The following ANGEL2 variants were observed in gnomAD, a reference collection of about 807,000 sequenced individuals.
The protein encoded by ANGEL2 is RNA 2',3'-cyclic phosphatase ANGEL2.
ANGEL2 carries 41 observed loss-of-function variants against 66.0 expected under a neutral mutation model. The observed-to-expected ratio is 0.62, with a 90% confidence interval of 0.48 to 0.81. ANGEL2 has a LOEUF of 0.81. ANGEL2 is among the 30% of genes least tolerant of loss of function. The probability of loss-of-function intolerance (pLI) is 0.00; values close to 1 mark genes in which losing one functional copy is unlikely to be tolerated. For synonymous variants in ANGEL2, 208 were observed against 226.5 expected (o/e 0.92, Z 0.73); for missense variants, 561 against 641.6 (o/e 0.87, Z 1.36).
intron 1 of ANGEL2, 62 bp downstream of exon 1, chr1:213,015,551 C>T: frequency 1.2e-6 from 2 of 1,601,084 alleles, no homozygotes; most frequent in East Asian, 2.3e-5. Flanking sequence ...TCCCGGACGC[C>T]CGCCCGCTCT....
At position 212,995,173 on chromosome 1, in the gene ANGEL2, A is replaced by C. The variant is rs2075961475; in HGVS notation, c.1503T>G (p.Val501=). ...AGHPGAEVAL[V]GGLKLLARLS... Reference sequence around the variant, plus strand: ...GTCTAGCTAGAAGTTTCAAGCCACCAACCAAAGCAACTTCAGCTCCTACAT... The same window carrying C: ...GTCTAGCTAGAAGTTTCAAGCCACCCACCAAAGCAACTTCAGCTCCTACAT... The change falls in exon 9 of 9, where the codon GTT becomes GTG. Residue 501 remains valine, a synonymous_variant. Coordinates refer to ENST00000366962, the MANE Select transcript of ANGEL2 (RefSeq NM_144567.5). 1.2e-6 allele frequency: 2 copies of C among 1,605,522 alleles called. No homozygotes were observed. Among genetic ancestry groups the C allele is most frequent in the Non-Finnish European group, 8.5e-7 (1 of 1,175,936 alleles).
intron 7 of ANGEL2, among the ~76,000 whole-genome samples, chr1:212,999,590 TTTAAATG>T (rs1261672016): frequency 6.6e-6 from 1 of 152,172 alleles, no homozygotes; most frequent in Non-Finnish European, 1.5e-5. Context: ...GGTCCCTAAA[TTTAAATG>T]TTAAAACAAA....
Position 213,015,853 on chromosome 1 carries a change from T to G in ANGEL2, c.-182A>C. 1.4e-6 allele frequency: 1 copy of G among 693,908 alleles called. No individual in the cohort carries two copies. The highest frequency in any genetic ancestry group is 2.4e-6 in the Non-Finnish European group (1 of 418,768). 43.0% of individuals were successfully genotyped at this position (693,908 alleles called of 1,614,324 possible). ...CCGGCCTACACTCCATCTTGCGCAG[T>G]CAGAGTCCCTGAATGCCTTAACCCG... On this transcript the variant is annotated 5_prime_UTR_variant, in exon 1 of 9. Coordinates refer to ENST00000366962, the MANE Select transcript of ANGEL2 (RefSeq NM_144567.5).
intron 7 of ANGEL2, among the ~76,000 whole-genome samples, chr1:212,998,432 G>A (rs970282974): frequency 2.6e-5 from 4 of 151,046 alleles, no homozygotes; most frequent in Non-Finnish European, 5.9e-5. Flanking sequence ...TAGGTCTTCT[G>A]CAAACTCTTA....
chr1:212,994,875 A>T lies in ANGEL2; in HGVS notation c.*166T>A, dbSNP rs1329190796. 2.0e-6 allele frequency: 1 copy of T among 510,268 alleles called. No individual in the cohort carries two copies. The highest frequency in any genetic ancestry group is 3.0e-6 in the Non-Finnish European group (1 of 328,138). The allele number at this position is 510,268 out of a possible 1,614,324, so 31.6% of individuals were successfully genotyped here. ...AAAATATTTTTCATTATTAAAAAAA[A>T]TTGTTATAAAGTTATTTCTTCTGAT... is the stretch of plus-strand genomic sequence containing the variant. On this transcript the variant is annotated 3_prime_UTR_variant, in exon 9 of 9. Coordinates refer to ENST00000366962, the MANE Select transcript of ANGEL2 (RefSeq NM_144567.5).
Position 213,005,205 on chromosome 1 carries a change from T to C in ANGEL2, c.962A>G (p.Lys321Arg). The C allele has an allele frequency of 6.2e-7, 1 of 1,614,248 alleles. No homozygotes were observed. The highest frequency in any genetic ancestry group is 8.5e-7 in the Non-Finnish European group (1 of 1,180,042). The change falls in exon 5 of 9, where the codon AAG (lysine) becomes AGG (arginine). Residue 321 changes from lysine (K) to arginine (R), a missense_variant. Coordinates refer to ENST00000366962, the MANE Select transcript of ANGEL2 (RefSeq NM_144567.5). The part of the protein sequence containing the change: ...LLYNPRRGDI[K>R]LTQLAMLLAE... The stretch of plus-strand genomic sequence containing the variant: ...CAGTAGCATTGCCAATTGCGTCAGC[T>C]TAATATCACCTCGCCTTGGATTATA...
At position 213,007,019 on chromosome 1, in the gene ANGEL2, A is replaced by C. The variant is rs1374219152; in HGVS notation, c.712+110T>G. 4 of 995,526 alleles carry C rather than the reference A, an allele frequency of 4.0e-6. 1 individual carries two copies. In the South Asian group the frequency reaches 5.7e-5, roughly 14 times the overall value. 61.7% of individuals were successfully genotyped at this position (995,526 alleles called of 1,614,324 possible). ...CGAAATGAGAGGATTACTTGAGCCC[A>C]GTAGGTTGAGGCTGTAGTGAGCCAT... On this transcript the variant is annotated intron_variant, in intron 4 of 8. Transcript: ENST00000366962.
chr1:213,009,910 G>A (rs1330445264), intron 2 of ANGEL2, among the ~76,000 whole-genome samples: 1 of 152,054 alleles, frequency 6.6e-6, no homozygotes, highest in Non-Finnish European at 1.5e-5. Context: ...AATTAGTCGG[G>A]TGTGGTGGCA....
chr1:213,014,370 C>G (rs1023334067), intron 1 of ANGEL2, among the ~76,000 whole-genome samples: 1 of 152,192 alleles, frequency 6.6e-6, no homozygotes, highest in African/African-American at 2.4e-5. Flanking sequence ...TAACTTTATA[C>G]GCTGTTATTC....
intron 7 of ANGEL2, among the ~76,000 whole-genome samples, chr1:212,999,732 T>C (rs540870000): frequency 1.4e-4 from 22 of 152,312 alleles, no homozygotes; most frequent in African/African-American, 4.8e-4. Flanking sequence ...GCCCCAAATA[T>C]TCCTATTTCT....
chr1:213,012,393 G>A (rs773074985), intron 2 of ANGEL2, among the ~76,000 whole-genome samples: 52 of 152,174 alleles, frequency 3.4e-4, no homozygotes, highest in African/African-American at 7.7e-4. Flanking sequence ...CAGGAGATGG[G>A]GTTGTGATGG....
At chr1:213,000,268 A>G in intron 7 of ANGEL2, 58 bp downstream of exon 7, 1 of 1,469,730 alleles carries the variant, frequency 6.8e-7, no homozygotes, top group Non-Finnish European at 9.5e-7. Flanking sequence ...TTTTTGAGAA[A>G]TGAGTTTTTT....
At chr1:213,011,251 G>C in intron 2 of ANGEL2, 1 of 1,289,058 alleles carries the variant, frequency 7.8e-7, no homozygotes, top group Middle Eastern at 2.1e-4. Flanking sequence ...AGAGAAGACA[G>C]ATGAATCAAA....
At chr1:213,005,484 T>A (rs1558182442) in intron 4 of ANGEL2, 30 bp from the exon 5 acceptor site, 3 of 1,531,564 alleles carry the variant, frequency 2.0e-6, no homozygotes, top group Admixed American at 2.0e-5. Flanking sequence ...TTAAAACAAA[T>A]GACTGCTTTT....
intron 7 of ANGEL2, among the ~76,000 whole-genome samples, chr1:212,998,949 G>A (rs1248802418): frequency 8.6e-5 from 13 of 151,498 alleles, no homozygotes; most frequent in Non-Finnish European, 1.9e-4. Context: ...GTGCGATCTC[G>A]GCTCACTGCA....
intron 8 of ANGEL2, among the ~76,000 whole-genome samples, chr1:212,996,589 C>T (rs539888660): frequency 1.5e-5 from 2 of 134,808 alleles, no homozygotes; most frequent in Admixed American, 8.2e-5. Context: ...TGCCACTGCA[C>T]TCTAGCCTGG....
chr1:213,000,681 T>G, intron 6 of ANGEL2, 105 bp downstream of exon 6: 1 of 1,240,064 alleles, frequency 8.1e-7, no homozygotes, highest in South Asian at 1.8e-5. Flanking sequence ...TTTATATATA[T>G]GAATATTCAT....
intron 2 of ANGEL2, among the ~76,000 whole-genome samples, chr1:213,010,110 C>G (rs1472225675): frequency 1.3e-5 from 2 of 150,132 alleles, no homozygotes; most frequent in South Asian, 4.2e-4. Context: ...AAGTCTTCAA[C>G]TATGAAGAAT....
At chr1:213,014,684 G>T (rs1163540404) in intron 1 of ANGEL2, among the ~76,000 whole-genome samples, 1 of 152,076 alleles carries the variant, frequency 6.6e-6, no homozygotes, top group East Asian at 1.9e-4. Context: ...GAACAGAACC[G>T]TCTTATTCAT....
Sources: gnomAD v4.1 joint callset for allele counts (sites outside exome capture counted in the v4.1 genomes callset) on GRCh38, gnomAD v4.1.1 for gene constraint, MANE v1.5 for transcripts, NCBI Gene and HGNC (gene_info 2026-07-23, HGNC 2026-07-21) for gene names.